DNAH5: variants seen among roughly 807,000 people sequenced by gnomAD.
The protein encoded by DNAH5 is dynein axonemal heavy chain 5.
DNAH5 carries 372 observed loss-of-function variants against 518.2 expected under a neutral mutation model. The observed-to-expected ratio is 0.72, with a 90% CI of 0.66 to 0.78. The LOEUF (loss-of-function observed/expected upper bound fraction) is 0.78, where lower values mean the gene tolerates loss of function less well. Ranked by LOEUF, DNAH5 falls within the 30% of genes least tolerant of loss-of-function variation. DNAH5 has a pLI of 0.00. For synonymous variants in DNAH5, 2,039 were observed against 2,025.9 expected, an observed-to-expected ratio of 1.01 and a Z score of -0.17; for missense variants, 5,523 against 5,687.0, an observed-to-expected ratio of 0.97 and a Z score of 0.93.
At chr5:13,700,530 TAA>T (rs1218790349) in intron 78 of DNAH5, 108 bp downstream of exon 78, 2 of 1,092,994 alleles carry the variant, frequency 1.8e-6, no homozygotes, top group Non-Finnish European at 2.8e-6. Flanking sequence ...AGCTAATAGA[TAA>T]GAGAGCAAAA....
In DNAH5 at chr5:13,714,523, A is replaced by G. The variant is rs1177310705; in HGVS notation, c.13007T>C (p.Ile4336Thr). The change falls in exon 75 of 79, where the codon ATC (isoleucine) becomes ACC (threonine). Residue 4336 changes from isoleucine to threonine, a missense_variant. By Grantham distance (89) the Ile-to-Thr change is moderately conservative. Transcript: ENST00000265104. ...SKLAKDVLDT[I>T]LGIQPKDTSG... ...GGTGTCCTTGGGTTGGATGCCTAGGATGGTGTCCAGCACGTCCTTGGCCAG... is the reference window on the plus strand; with the variant it reads ...GGTGTCCTTGGGTTGGATGCCTAGGGTGGTGTCCAGCACGTCCTTGGCCAG... 1 of 1,614,142 alleles carries G rather than the reference A, an allele frequency of 6.2e-7. No homozygotes were observed. The highest frequency in any genetic ancestry group is 1.1e-5 in the South Asian group (1 of 91,080).
intron 1 of DNAH5, among the ~76,000 whole-genome samples, chr5:13,983,121 T>C (rs1782804999): frequency 6.6e-6 from 1 of 152,208 alleles, no homozygotes. Context: ...TTCTGACTCC[T>C]AGTTGATGCT....
chr5:13,902,345 G>A (rs768098121), intron 12 of DNAH5, among the ~76,000 whole-genome samples: 7 of 152,288 alleles, frequency 4.6e-5, no homozygotes, highest in South Asian at 4.1e-4. Context: ...GGGAGTTGGC[G>A]CCACGTCAGG....
chr5:13,700,995 G>T, intron 77 of DNAH5, 124 bp from the exon 78 acceptor site: 1 of 1,057,172 alleles, frequency 9.5e-7, no homozygotes, highest in Non-Finnish European at 1.4e-6. Flanking sequence ...AGTATTTAAA[G>T]AATTAGCAAG....
intron 2 of DNAH5, among the ~76,000 whole-genome samples, chr5:13,930,014 C>T (rs1252019658): frequency 1.3e-5 from 2 of 152,178 alleles, no homozygotes; most frequent in African/African-American, 4.8e-5. Flanking sequence ...AGACTGAGAA[C>T]AGGGACCGAC....
chr5:13,911,371 T>C lies in DNAH5; in HGVS notation c.1644+15A>G. On this transcript the variant is annotated intron_variant, in intron 12 of 78. Coordinates refer to ENST00000265104, the MANE Select transcript of DNAH5 (RefSeq NM_001369.3). ...AACACACGACTGTCAACAGGAATTT[T>C]ATTATACAACCTACATGAAGGTCAT... 6.2e-7 allele frequency: 1 copy of C among 1,600,522 alleles called. No individual in the cohort carries two copies. The highest frequency in any genetic ancestry group is 1.1e-5 in the South Asian group (1 of 90,810).
At chr5:13,786,445 CTG>C (rs1756027063) in intron 51 of DNAH5, 94 bp from the exon 52 acceptor site, 1 of 1,232,772 alleles carries the variant, frequency 8.1e-7, no homozygotes, top group African/African-American at 1.5e-5. Flanking sequence ...CAACCTAACA[CTG>C]AATAACATTC....
At position 13,753,448 on chromosome 5, in the gene DNAH5, G is replaced by A. The variant is rs754263109; in HGVS notation, c.10657C>T (p.Arg3553Trp). Residue 3553 changes from arginine (R) to tryptophan (W), a missense_variant, in exon 63 of 79, where the codon CGG becomes TGG. This residue lies in a region of DNAH5 where 5,121 missense variants were observed against 5,223.3 expected (regional missense o/e 0.98). Coordinates refer to ENST00000265104, the MANE Select transcript of DNAH5 (RefSeq NM_001369.3). ...LNDWRKEMKARKIPFGKNLNL... is the reference protein window; with the variant it reads ...LNDWRKEMKAWKIPFGKNLNL... Reference sequence around the variant, plus strand: ...AGGTTCTTTCCAAATGGAATTTTCCGGGCTTTCATTTCCTTCCGCCAGTCA... The same window carrying A: ...AGGTTCTTTCCAAATGGAATTTTCCAGGCTTTCATTTCCTTCCGCCAGTCA... 219 of 1,613,760 alleles carry A rather than the reference G, an allele frequency of 1.4e-4. 1 individual carries two copies. Among genetic ancestry groups the A allele is most frequent in the South Asian group, 6.5e-4 (59 of 91,074 alleles).
intron 1 of DNAH5, among the ~76,000 whole-genome samples, chr5:13,959,992 G>A (rs1456368280): frequency 2.6e-5 from 4 of 151,642 alleles, no homozygotes; most frequent in Non-Finnish European, 2.9e-5. Flanking sequence ...CCTCATGACT[G>A]AGTCCAGGAA....
In DNAH5 at chr5:13,714,503, C is replaced by T. The variant is rs1744028190; in HGVS notation, c.13027G>A (p.Asp4343Asn). ...LDTILGIQPK[D>N]TSGGGDETRE... ...GTCTCATCCCCTCCACCAGAGGTGT[C>T]CTTGGGTTGGATGCCTAGGATGGTG... Residue 4343 changes from aspartate to asparagine, a missense_variant, in exon 75 of 79, where the codon GAC becomes AAC. Asp to Asn is a conservative substitution (Grantham distance 23, BLOSUM62 1). Around this residue, in one of 3 missense-constraint regions of DNAH5, gnomAD observed 387 missense variants for 430.0 expected, o/e 0.90. Transcript: ENST00000265104. 1 of 1,614,032 alleles carries T rather than the reference C, an allele frequency of 6.2e-7. No individual in the cohort carries two copies. The highest frequency in any genetic ancestry group is 1.3e-5 in the African/African-American group (1 of 74,920).
At chr5:13,846,540 G>A (rs957022140) in intron 31 of DNAH5, among the ~76,000 whole-genome samples, 13 of 152,176 alleles carry the variant, frequency 8.5e-5, no homozygotes, top group African/African-American at 2.7e-4. Flanking sequence ...GCTGAGTGGG[G>A]TGTCCAGGCT....
rs577862328 is a variant in DNAH5 at position 13,870,851 on chromosome 5, T to C, written c.3750A>G (p.Leu1250=). 1.2e-6 allele frequency: 2 copies of C among 1,613,914 alleles called. No homozygotes were observed. The highest frequency in any genetic ancestry group is 2.2e-5 in the South Asian group (2 of 91,086). Reference sequence around the variant, plus strand: ...CTGCCATTGCAATCCGAATATCATCTAGGTCCTTAATTGGACGATTTAGTT... The same window carrying C: ...CTGCCATTGCAATCCGAATATCATCCAGGTCCTTAATTGGACGATTTAGTT... ...NKKLNRPIKD[L]DDIRIAMAAL... The change falls in exon 24 of 79, where the codon CTA becomes CTG. Residue 1250 remains leucine, a synonymous_variant. Coordinates refer to ENST00000265104, the MANE Select transcript of DNAH5 (RefSeq NM_001369.3).
At chr5:13,946,626 G>A (rs1779946260), upstream of DNAH5, among the ~76,000 whole-genome samples, 1 of 152,320 alleles carries the variant, frequency 6.6e-6, no homozygotes, top group Admixed American at 6.5e-5. Flanking sequence ...AGCTGGCAGG[G>A]CTCTATATAT....
chr5:13,760,867 C>G (rs1047942746), intron 60 of DNAH5, among the ~76,000 whole-genome samples: 3 of 152,192 alleles, frequency 2.0e-5, no homozygotes, highest in African/African-American at 7.2e-5. Context: ...TTCAACAGAA[C>G]CACCTGGTGA....
At chr5:13,962,479 A>C (rs1182374532) in intron 1 of DNAH5, among the ~76,000 whole-genome samples, 1 of 152,212 alleles carries the variant, frequency 6.6e-6, no homozygotes, top group Non-Finnish European at 1.5e-5. Context: ...CAGTCTCATA[A>C]AACCCAGATG....
At chr5:13,729,903 C>A (rs189270681) in intron 68 of DNAH5, among the ~76,000 whole-genome samples, 5 of 152,234 alleles carry the variant, frequency 3.3e-5, no homozygotes, top group South Asian at 4.1e-4. Flanking sequence ...ACAATGTATG[C>A]GTGTAAAGCA....
At chr5:13,703,770 A>C (rs13153315) in intron 76 of DNAH5, among the ~76,000 whole-genome samples, 78,049 of 151,628 alleles carry the variant, frequency 0.51, 20,282 homozygotes, top group Middle Eastern at 0.55. Context: ...CAGGAGATAA[A>C]GAAATTCATC....
intron 1 of DNAH5, among the ~76,000 whole-genome samples, chr5:13,953,114 G>A (rs1178129296): frequency 6.6e-6 from 1 of 152,126 alleles, no homozygotes; most frequent in African/African-American, 2.4e-5. Flanking sequence ...TAAAGAATAA[G>A]TTCATCTTAT....
rs1580862932 is a variant in DNAH5 at position 13,913,735 on chromosome 5, T to C, written c.1536+8A>G. 2 of 1,613,016 alleles carry C rather than the reference T, an allele frequency of 1.2e-6. No homozygotes were observed. Among genetic ancestry groups the C allele is most frequent in the Admixed American group, 3.3e-5 (2 of 59,988 alleles). ...TATGTTATAAAATATAGCTTTAAAG[T>C]ACAATACCTGGTATTTAGTGGCCAT... On this transcript the variant is annotated splice_region_variant and intron_variant, in intron 11 of 78. Transcript: ENST00000265104.
Sources: allele counts gnomAD v4.1 joint callset (sites outside exome capture counted in the v4.1 genomes callset), GRCh38; gene constraint gnomAD v4.1.1; regional missense constraint gnomAD v4.1.1; transcripts MANE v1.5; gene names NCBI Gene and HGNC (gene_info 2026-07-23, HGNC 2026-07-21).